The following CCDC102B variants were observed in gnomAD, a reference collection of about 807,000 sequenced individuals.
CCDC102B encodes the protein coiled-coil domain containing 102B, also known as coiled-coil domain-containing protein 102B.
Under a neutral mutation model 57.4 loss-of-function variants are expected in CCDC102B, and 75 were observed. That is an observed-to-expected ratio of 1.31 (90% CI 1.08 to 1.58). The LOEUF is 1.58. Ranked by LOEUF, CCDC102B falls within the 40% of genes most tolerant of loss-of-function variation. CCDC102B has a pLI of 0.00. For missense variants in CCDC102B, 636 were observed against 582.6 expected (o/e 1.09, Z -0.94); for synonymous variants, 206 against 201.9 (o/e 1.02, Z -0.17).
At position 68,869,465 on chromosome 18, in the gene CCDC102B, T is replaced by A. The variant is rs759101044; in HGVS notation, c.937-5204T>A. 1.2e-4 allele frequency among the ~76,000 whole-genome samples: 18 copies of A among 152,228 alleles called. No individual in the cohort carries two copies. The East Asian group carries it at 2.7e-3, about 23-fold the overall frequency. On this transcript the variant is annotated intron_variant, in intron 4 of 7. Coordinates refer to ENST00000360242, the MANE Select transcript of CCDC102B (RefSeq NM_024781.3). ...GTGTGGTGGAAAGTCTGAGGAATGC[T>A]GGTAGCAGAAGCGAGTGAGAAGGGT...
chr18:68,865,696 G>A (rs779610392), intron 4 of CCDC102B, among the ~76,000 whole-genome samples: 19 of 152,126 alleles, frequency 1.2e-4, no homozygotes, highest in Non-Finnish European at 2.4e-4. Flanking sequence ...AAAACACGTG[G>A]GAGTACTTAA....
chr18:68,719,627 G>A (rs542761670), intron 2 of CCDC102B, among the ~76,000 whole-genome samples: 7 of 152,222 alleles, frequency 4.6e-5, no homozygotes, highest in Admixed American at 4.6e-4. Context: ...AATTGGGGAG[G>A]CCATCTACAT....
At chr18:68,902,342 CA>C (rs2040484588) in intron 6 of CCDC102B, 1 of 152,096 alleles carries the variant, frequency 6.6e-6, no homozygotes, top group Non-Finnish European at 1.5e-5. Flanking sequence ...GTAAGTTAAG[CA>C]AACAAGTAAC....
At chr18:68,847,987 G>A (rs1240003665) in intron 4 of CCDC102B, among the ~76,000 whole-genome samples, 1 of 151,350 alleles carries the variant, frequency 6.6e-6, no homozygotes, top group African/African-American at 2.4e-5. Context: ...GAATAAATGT[G>A]TTATATACAT....
intron 1 of CCDC102B, among the ~76,000 whole-genome samples, chr18:68,814,978 TA>T (rs1374600075): frequency 4.6e-5 from 7 of 152,140 alleles, no homozygotes; most frequent in Non-Finnish European, 1.0e-4. Flanking sequence ...CAGTAAAAAT[TA>T]TTTTCAACAG....
intron 1 of CCDC102B, among the ~76,000 whole-genome samples, chr18:68,827,750 C>T (rs58613489): frequency 0.01 from 1,526 of 151,934 alleles, 22 homozygotes; most frequent in African/African-American, 0.033. Context: ...AAAGCATGAG[C>T]AAGTTATATG....
intron 2 of CCDC102B, among the ~76,000 whole-genome samples, chr18:68,743,056 A>G (rs554002202): frequency 9.2e-5 from 14 of 152,132 alleles, no homozygotes; most frequent in African/African-American, 3.4e-4. Flanking sequence ...TGACCTGACT[A>G]TGGGTCAGAG....
intron 6 of CCDC102B, among the ~76,000 whole-genome samples, chr18:68,958,984 T>G (rs999968682): frequency 2.0e-5 from 3 of 152,230 alleles, no homozygotes; most frequent in African/African-American, 7.2e-5. Context: ...CACATCTGTC[T>G]CTGCAGAATT....
intron 7 of CCDC102B, among the ~76,000 whole-genome samples, chr18:69,029,199 T>G (rs546411825): frequency 1.1e-4 from 16 of 152,322 alleles, no homozygotes; most frequent in African/African-American, 3.1e-4. Flanking sequence ...TACCATTTTA[T>G]TAATTTATAT....
At chr18:68,857,408 A>G (rs552307741) in intron 4 of CCDC102B, among the ~76,000 whole-genome samples, 23 of 126,432 alleles carry the variant, frequency 1.8e-4, no homozygotes, top group African/African-American at 6.3e-4. Context: ...ATATATAAAT[A>G]TATATATTTA....
intron 6 of CCDC102B, among the ~76,000 whole-genome samples, chr18:68,953,550 T>A (rs1418292003): frequency 1.3e-5 from 1 of 75,780 alleles, no homozygotes; most frequent in African/African-American, 1.0e-4. Context: ...TTAGTAGCGG[T>A]TTTTTTTTCA....
chr18:68,750,962 AAC>A (rs941441403), intron 2 of CCDC102B, among the ~76,000 whole-genome samples: 6 of 151,654 alleles, frequency 4.0e-5, no homozygotes, highest in African/African-American at 1.5e-4. Flanking sequence ...AATAAAAAAA[AAC>A]AAAAACAAAG....
chr18:68,767,556 T>C (rs977190611), intron 2 of CCDC102B, among the ~76,000 whole-genome samples: 4 of 152,228 alleles, frequency 2.6e-5, no homozygotes, highest in African/African-American at 7.2e-5. Flanking sequence ...ATGAAAACGC[T>C]TGTAGATCCA....
chr18:68,785,096 C>T (rs1289310168), intron 2 of CCDC102B, among the ~76,000 whole-genome samples: 3 of 151,014 alleles, frequency 2.0e-5, no homozygotes, highest in East Asian at 2.0e-4. Context: ...TTTGTTCTTG[C>T]GATAGTTCAC....
intron 6 of CCDC102B, among the ~76,000 whole-genome samples, chr18:68,929,747 T>C (rs1374579770): frequency 6.6e-6 from 1 of 151,830 alleles, no homozygotes; most frequent in Non-Finnish European, 1.5e-5. Context: ...ACCTTTGATA[T>C]ACCAGGAAGA....
At chr18:68,784,515 C>T (rs970572608) in intron 2 of CCDC102B, among the ~76,000 whole-genome samples, 6 of 152,058 alleles carry the variant, frequency 3.9e-5, no homozygotes, top group Admixed American at 3.3e-4. Context: ...CAAACCATAC[C>T]AGCCATCAAA....
At chr18:69,004,501 T>A (rs550187765) in intron 6 of CCDC102B, among the ~76,000 whole-genome samples, 6 of 152,264 alleles carry the variant, frequency 3.9e-5, no homozygotes, top group Non-Finnish European at 8.8e-5. Flanking sequence ...TGAAGAGTTG[T>A]TGTGAGACAG....
intron 6 of CCDC102B, among the ~76,000 whole-genome samples, chr18:69,003,537 G>A (rs2051261034): frequency 6.6e-6 from 1 of 152,124 alleles, no homozygotes; most frequent in Non-Finnish European, 1.5e-5. Flanking sequence ...GAGCAGAAAG[G>A]GGAAAAGATC....
intron 6 of CCDC102B, among the ~76,000 whole-genome samples, chr18:68,925,419 G>A (rs2041444672): frequency 1.3e-5 from 2 of 151,980 alleles, no homozygotes; most frequent in Admixed American, 1.3e-4. Flanking sequence ...GGAGGCCTGA[G>A]TCTGTTCATT....
Sources: allele counts gnomAD v4.1 joint callset (sites outside exome capture counted in the v4.1 genomes callset), GRCh38; gene constraint gnomAD v4.1.1; transcripts MANE v1.5; gene names NCBI Gene and HGNC (gene_info 2026-07-23, HGNC 2026-07-21).